Variants in TMPRSS11A observed in about 807,000 individuals in gnomAD.
TMPRSS11A encodes the protein transmembrane serine protease 11A, also known as transmembrane protease serine 11A.
Under a neutral mutation model 58.9 loss-of-function variants are expected in TMPRSS11A, and 53 were observed. The ratio of observed to expected loss-of-function variants is 0.90; its 90% CI spans 0.72 to 1.13. The LOEUF (loss-of-function observed/expected upper bound fraction) is 1.13. Ranked by LOEUF, TMPRSS11A falls within the 50% of genes most tolerant of loss-of-function variation. The pLI is 0.00. For missense variants in TMPRSS11A, 493 were observed against 499.3 expected (o/e 0.99, Z 0.12); for synonymous variants, 167 against 169.8 (o/e 0.98, Z 0.13).
rs76385564 is a variant in TMPRSS11A at position 67,925,782 on chromosome 4, T to C, written c.482-1616A>G. On this transcript the variant is annotated intron_variant, in intron 5 of 9. Transcript: ENST00000508048. ...TAGCATAAAGTTAGAATTCTTCAAT[T>C]GAAACTTTGTCAACTTAGTCTGAGC... Among the ~76,000 whole-genome samples the C allele has an allele frequency of 1.4e-4, 21 of 152,318 alleles. No homozygotes were observed. The East Asian group carries it at 4.1e-3, about 29-fold the overall frequency.
intron 9 of TMPRSS11A, among the ~76,000 whole-genome samples, 153 bp downstream of exon 9, chr4:67,914,435 T>C (rs1720091161): frequency 1.3e-5 from 2 of 152,228 alleles, no homozygotes; most frequent in African/African-American, 2.4e-5. Context: ...TAATAAAACA[T>C]TTAAAAGTAT....
intron 3 of TMPRSS11A, among the ~76,000 whole-genome samples, chr4:67,932,775 G>A (rs1034279912): frequency 6.6e-6 from 1 of 152,026 alleles, no homozygotes; most frequent in Non-Finnish European, 1.5e-5. Flanking sequence ...GTGGACTCTA[G>A]GGTAAATCAG....
intron 5 of TMPRSS11A, among the ~76,000 whole-genome samples, chr4:67,928,203 C>T (rs370440265): frequency 6.6e-5 from 10 of 152,100 alleles, no homozygotes; most frequent in African/African-American, 2.4e-4. Context: ...CGTCACCAGG[C>T]CTGACTAATA....
At chr4:67,917,452 A>G (rs1215252486) in intron 8 of TMPRSS11A, among the ~76,000 whole-genome samples, 1 of 152,176 alleles carries the variant, frequency 6.6e-6, no homozygotes, top group African/African-American at 2.4e-5. Context: ...TTATGATCAG[A>G]GAATATACTT....
At chr4:67,937,915 A>G (rs1040706979) in intron 3 of TMPRSS11A, among the ~76,000 whole-genome samples, 1 of 152,156 alleles carries the variant, frequency 6.6e-6, no homozygotes, top group Non-Finnish European at 1.5e-5. Flanking sequence ...TCCTTTGGGT[A>G]TACACCCAGT....
chr4:67,911,798 C>G (rs1719988321), intron 9 of TMPRSS11A, among the ~76,000 whole-genome samples: 1 of 152,120 alleles, frequency 6.6e-6, no homozygotes, highest in African/African-American at 2.4e-5. Flanking sequence ...TTACCTCACG[C>G]AAGCTGTTCT....
intron 3 of TMPRSS11A, 144 bp downstream of exon 3, chr4:67,944,375 C>T: frequency 1.2e-6 from 1 of 845,970 alleles, no homozygotes; most frequent in Non-Finnish European, 1.8e-6. Context: ...TCTGATTAAG[C>T]AGGTCTGGGA....
chr4:67,921,087 A>G (rs1013672849), intron 7 of TMPRSS11A, among the ~76,000 whole-genome samples: 11 of 152,196 alleles, frequency 7.2e-5, no homozygotes, highest in Non-Finnish European at 1.5e-4. Context: ...CTGTTGTTCC[A>G]GATTAAAAGA....
At chr4:67,936,026 G>A (rs1124643) in intron 3 of TMPRSS11A, among the ~76,000 whole-genome samples, 84,945 of 151,860 alleles carry the variant, frequency 0.56, 25,168 homozygotes, top group African/African-American at 0.72. Flanking sequence ...GATTATTCAC[G>A]TTTCATAGAA....
rs1277273836 is a variant in TMPRSS11A at position 67,929,980 on chromosome 4, T to A, written c.381A>T (p.Glu127Asp). ...TTTTCTTCTCTCTTACTGCCCTTTG[T>A]TCAGTAGAGGGGAACTGGAACACCA... ...VIMVFQFPST[E>D]QRAVREKKIQ... The change falls in exon 5 of 10, where the codon GAA (glutamate) becomes GAT (aspartate). Residue 127 changes from glutamate to aspartate, a missense_variant. Physicochemically the swap from Glu to Asp is conservative, Grantham distance 45. Transcript: ENST00000508048. The A allele has an allele frequency of 1.9e-6, 3 of 1,613,660 alleles. No homozygotes were observed. The East Asian group carries it at 6.7e-5, about 36-fold the overall frequency.
At chr4:67,958,927 A>C (rs916627523) in intron 1 of TMPRSS11A, among the ~76,000 whole-genome samples, 2 of 152,166 alleles carry the variant, frequency 1.3e-5, no homozygotes, top group African/African-American at 4.8e-5. Flanking sequence ...GTTTTATAAG[A>C]AGCTCTCTTC....
chr4:67,911,226 A>G lies in TMPRSS11A; in HGVS notation c.*116T>C, dbSNP rs934301013. 14 of 891,790 alleles carry G rather than the reference A, an allele frequency of 1.6e-5. No individual in the cohort carries two copies. Among genetic ancestry groups the G allele is most frequent in the Non-Finnish European group, 2.2e-5 (13 of 597,618 alleles). The allele number at this position is 891,790 out of a possible 1,614,324, so 55.2% of individuals were successfully genotyped here. A position where few individuals can be genotyped will look rare whatever the true frequency, so the allele number is the denominator to read the frequency against. Reference sequence around the variant, plus strand: ...CTAAATAACTTACGTTGTGTGTTTCATGTTACTAGATCCAGTAATTTAATA... The same window carrying G: ...CTAAATAACTTACGTTGTGTGTTTCGTGTTACTAGATCCAGTAATTTAATA... On this transcript the variant is annotated 3_prime_UTR_variant, in exon 10 of 10. Transcript: ENST00000508048.
In TMPRSS11A at chr4:67,944,650, T is replaced by G. The variant is rs1410988119; in HGVS notation, c.134-13A>C. ...TCCTTTTTTTGGTCTGCAATGGAAA[T>G]GAAAAATAGGAAACTAAATGGTTTG... is the stretch of plus-strand genomic sequence containing the variant. On this transcript the variant is annotated splice_polypyrimidine_tract_variant and intron_variant, in intron 2 of 9. Transcript: ENST00000508048. 1 of 1,602,516 alleles carries G rather than the reference T, an allele frequency of 6.2e-7. No individual in the cohort carries two copies. Among genetic ancestry groups the G allele is most frequent in the Non-Finnish European group, 8.5e-7 (1 of 1,175,994 alleles).
rs1719929650 is a variant in TMPRSS11A, at chr4:67,910,217, G to C, written c.*1125C>G. 6.6e-6 allele frequency: 1 copy of C among 151,946 alleles called. No homozygotes were observed. Among genetic ancestry groups the C allele is most frequent in the Admixed American group, 6.6e-5 (1 of 15,262 alleles). 9.4% of individuals were successfully genotyped at this position (151,946 alleles called of 1,614,324 possible). A position where few individuals can be genotyped will look rare whatever the true frequency, so the allele number is the denominator to read the frequency against. ...ACATATAACAAAGTGGTCCAAAAGA[G>C]AAAACATACTATATGTTATATGTTA... On this transcript the variant is annotated 3_prime_UTR_variant, in exon 10 of 10. Transcript: ENST00000508048.
intron 3 of TMPRSS11A, among the ~76,000 whole-genome samples, chr4:67,941,216 C>G (rs1720873206): frequency 6.6e-6 from 1 of 152,150 alleles, no homozygotes; most frequent in African/African-American, 2.4e-5. Flanking sequence ...CCTTGGTTGT[C>G]TAATTAGCAC....
chr4:67,933,159 G>C (rs910288318), intron 3 of TMPRSS11A, among the ~76,000 whole-genome samples: 2 of 151,882 alleles, frequency 1.3e-5, no homozygotes, highest in African/African-American at 4.8e-5. Flanking sequence ...CAGGGATCAA[G>C]AAACAAGTTA....
intron 1 of TMPRSS11A, among the ~76,000 whole-genome samples, chr4:67,947,002 T>C (rs1307777016): frequency 2.6e-5 from 4 of 152,200 alleles, no homozygotes; most frequent in Non-Finnish European, 5.9e-5. Context: ...ATGAAAATGT[T>C]CAGACATAAA....
intron 1 of TMPRSS11A, among the ~76,000 whole-genome samples, chr4:67,952,763 T>TA (rs1291930296): frequency 2.0e-5 from 3 of 152,368 alleles, no homozygotes; most frequent in Admixed American, 1.3e-4. Flanking sequence ...CTTGATATGT[T>TA]ATGTGTACAC....
intron 1 of TMPRSS11A, among the ~76,000 whole-genome samples, chr4:67,950,506 A>G (rs1041247846): frequency 3.3e-5 from 5 of 152,214 alleles, no homozygotes; most frequent in Admixed American, 2.6e-4. Context: ...CTTCAAGCCA[A>G]TTGATTCGGG....
Sources: allele counts gnomAD v4.1 joint callset (sites outside exome capture counted in the v4.1 genomes callset), GRCh38; gene constraint gnomAD v4.1.1; transcripts MANE v1.5; gene names NCBI Gene and HGNC (gene_info 2026-07-23, HGNC 2026-07-21).